SFMBT1: variants seen among roughly 807,000 people sequenced by gnomAD.
SFMBT1 encodes scm-like with four MBT domains protein 1.
Under a neutral mutation model 108.7 loss-of-function variants are expected in SFMBT1, and 32 were observed. That is an observed-to-expected ratio of 0.29 (90% CI 0.22 to 0.40). The LOEUF (loss-of-function observed/expected upper bound fraction) is 0.40, where lower values mean the gene tolerates loss of function less well. Ranked by LOEUF, SFMBT1 falls within the 10% of genes least tolerant of loss-of-function variation. The pLI is 1.00. For missense variants in SFMBT1, 816 were observed against 1,059.6 expected (o/e 0.77, Z 3.19); for synonymous variants, 348 against 369.5 (o/e 0.94, Z 0.67).
chr3:52,907,641 T>C lies in SFMBT1; in HGVS notation c.1999A>G (p.Arg667Gly), dbSNP rs368026256. The C allele has an allele frequency of 5.5e-5, 88 of 1,614,072 alleles. No homozygotes were observed. Among genetic ancestry groups the C allele is most frequent in the Non-Finnish European group, 6.9e-5 (82 of 1,180,038 alleles). ...LACALKKASKRRKRRKNVFVH... is the reference protein window; with the variant it reads ...LACALKKASKGRKRRKNVFVH... ...AAAACATTTTTCCGCCTCTTTCTCC[T>C]CTTACTGGCTTTTTTCAGGGCACAA... Residue 667 changes from arginine (R) to glycine (G), a missense_variant, in exon 18 of 21, where the codon AGG (arginine) becomes GGG (glycine). Around this residue, in one of 5 missense-constraint regions of SFMBT1, gnomAD observed 177 missense variants for 182.0 expected, o/e 0.97. Transcript: ENST00000394752.
chr3:52,957,001 A>C (rs1473136221), intron 2 of SFMBT1, among the ~76,000 whole-genome samples: 1 of 152,158 alleles, frequency 6.6e-6, no homozygotes, highest in East Asian at 1.9e-4. Context: ...AGAGTGATAA[A>C]GGGTATTCAA....
At chr3:52,916,296 G>A in intron 13 of SFMBT1, 82 bp from the exon 14 acceptor site, 1 of 1,264,988 alleles carries the variant, frequency 7.9e-7, no homozygotes, top group African/African-American at 1.5e-5. Context: ...TCAAATCTAA[G>A]AAGAAAGCAA....
At chr3:52,958,503 A>G (rs1703857254) in intron 2 of SFMBT1, among the ~76,000 whole-genome samples, 1 of 152,220 alleles carries the variant, frequency 6.6e-6, no homozygotes, top group Non-Finnish European at 1.5e-5. Flanking sequence ...AGGCAGGAGA[A>G]TCTCTTGAAC....
At chr3:53,034,841 A>G (rs376779603) in intron 1 of SFMBT1, among the ~76,000 whole-genome samples, 1 of 152,166 alleles carries the variant, frequency 6.6e-6, no homozygotes, top group South Asian at 2.1e-4. Flanking sequence ...TGGGAGGCTG[A>G]GGCAGGAAAA....
chr3:52,978,276 AAGGG>A lies in SFMBT1; in HGVS notation c.-130-9022_-130-9019del, dbSNP rs371170371. On this transcript the variant is annotated intron_variant, in intron 1 of 20. Coordinates refer to ENST00000394752, the MANE Select transcript of SFMBT1 (RefSeq NM_016329.4). ...GGGAAAAGCCAGCAGAAAGGGCCTA[AAGGG>A]AGAGCATGTGAGAGTGAGCTATGTT... Among the ~76,000 whole-genome samples, 117 of 152,168 alleles carry A rather than the reference AAGGG, an allele frequency of 7.7e-4. No individual in the cohort carries two copies. In the East Asian group the frequency reaches 0.017, roughly 22 times the overall value.
intron 8 of SFMBT1, among the ~76,000 whole-genome samples, chr3:52,928,681 CACAT>C (rs1559514240): frequency 8.7e-5 from 12 of 137,952 alleles, no homozygotes; most frequent in African/African-American, 3.4e-4. Flanking sequence ...TACACACACA[CACAT>C]ATATATATAG....
chr3:52,954,936 G>C (rs1241223330), intron 2 of SFMBT1, among the ~76,000 whole-genome samples: 1 of 151,574 alleles, frequency 6.6e-6, no homozygotes, highest in Admixed American at 6.6e-5. Context: ...GAAGAATTCT[G>C]TAGGTACTAT....
intron 2 of SFMBT1, among the ~76,000 whole-genome samples, chr3:52,961,232 T>C (rs964011976): frequency 1.3e-5 from 2 of 152,060 alleles, no homozygotes; most frequent in African/African-American, 2.4e-5. Context: ...ATACCTACAG[T>C]AGTCAAATTC....
intron 6 of SFMBT1, among the ~76,000 whole-genome samples, chr3:52,931,308 T>C (rs750758447): frequency 5.9e-5 from 9 of 152,170 alleles, no homozygotes; most frequent in Non-Finnish European, 1.0e-4. Context: ...AACATCCAAA[T>C]TGGGGCACAT....
In SFMBT1 at chr3:53,001,063, A is replaced by C. The variant is rs1226576133; in HGVS notation, c.-130-31805T>G. ...TAGTCTACTTTTATATATGTTTGAC[A>C]TTCTCCCTAACAAGTCAAAAACAAA... On this transcript the variant is annotated intron_variant, in intron 1 of 20. Coordinates refer to ENST00000394752, the MANE Select transcript of SFMBT1 (RefSeq NM_016329.4). 1.3e-5 allele frequency among the ~76,000 whole-genome samples: 2 copies of C among 149,946 alleles called. 1 individual carries two copies. The highest frequency in any genetic ancestry group is 3.0e-5 in the Non-Finnish European group (2 of 67,052).
chr3:52,987,961 C>A (rs1323069488), intron 1 of SFMBT1, among the ~76,000 whole-genome samples: 4 of 152,106 alleles, frequency 2.6e-5, no homozygotes, highest in African/African-American at 7.2e-5. Context: ...CTGAATTTAG[C>A]CAAAAGGCTA....
At chr3:53,001,440 A>G (rs1698544544) in intron 1 of SFMBT1, among the ~76,000 whole-genome samples, 1 of 149,764 alleles carries the variant, frequency 6.7e-6, no homozygotes, top group South Asian at 2.1e-4. Context: ...CAAAAAAGAA[A>G]AAGTTCCATC....
At chr3:53,023,539 G>C (rs897355617) in intron 1 of SFMBT1, among the ~76,000 whole-genome samples, 6 of 152,166 alleles carry the variant, frequency 3.9e-5, no homozygotes, top group South Asian at 4.1e-4. Context: ...ATCTGTGCTG[G>C]ATAGTGTATG....
At position 52,943,469 on chromosome 3, in the gene SFMBT1, C is replaced by T. The variant is rs1703256139; in HGVS notation, c.248G>A (p.Arg83His). 1.9e-6 allele frequency: 3 copies of T among 1,614,114 alleles called. No homozygotes were observed. Among genetic ancestry groups the T allele is most frequent in the Admixed American group, 1.7e-5 (1 of 60,010 alleles). ...CCGATCCTCCCCATAGCCATCATAG[C>T]GGAGAAGGAGCAACTGCTCACAGGT... ...ITTCEQLLLL[R>H]YDGYGEDRRA... Residue 83 changes from arginine (R) to histidine (H), a missense_variant, in exon 4 of 21, where the codon CGC (arginine) becomes CAC (histidine). Physicochemically the swap from Arg to His is conservative, Grantham distance 29 (BLOSUM62 0). Coordinates refer to ENST00000394752, the MANE Select transcript of SFMBT1 (RefSeq NM_016329.4).
At chr3:52,933,843 T>C (rs976325967) in intron 5 of SFMBT1, among the ~76,000 whole-genome samples, 1 of 152,040 alleles carries the variant, frequency 6.6e-6, no homozygotes, top group South Asian at 2.1e-4. Context: ...TTCTTAGATA[T>C]GATACCAAAA....
intron 1 of SFMBT1, among the ~76,000 whole-genome samples, chr3:53,033,190 T>C (rs1699746380): frequency 6.6e-6 from 1 of 151,934 alleles, no homozygotes; most frequent in Admixed American, 6.6e-5. Context: ...AGATGGAGTC[T>C]TGCTCTGTCG....
chr3:52,959,249 G>C (rs1703883056), intron 2 of SFMBT1, among the ~76,000 whole-genome samples: 1 of 152,066 alleles, frequency 6.6e-6, no homozygotes, highest in Non-Finnish European at 1.5e-5. Context: ...TAACAAACCT[G>C]CACATCCTGC....
rs771628668 is a variant in SFMBT1, at chr3:52,931,026, T to A, written c.710A>T (p.His237Leu). ...TTGCCACTCAGCTTCATTTTTTAGA[T>A]GTCTAATGGCTTTAATAAAACATGA... The part of the protein sequence containing the change: ...YELQPPSAIR[H>L]LKNEAEWQEI... Residue 237 changes from histidine to leucine, a missense_variant, in exon 7 of 21, where the codon CAT becomes CTT. By Grantham distance (99) the His-to-Leu change is moderately conservative (BLOSUM62 -3). Coordinates refer to ENST00000394752, the MANE Select transcript of SFMBT1 (RefSeq NM_016329.4). The A allele has an allele frequency of 3.7e-6, 6 of 1,613,772 alleles. No individual in the cohort carries two copies. The African/African-American group carries it at 4.0e-5, about 11-fold the overall frequency.
At position 53,046,028 on chromosome 3, in the gene SFMBT1, C is replaced by CGGCGGA. The variant is rs1205357965; in HGVS notation, c.-349_-344dup. 12 of 151,236 alleles carry CGGCGGA rather than the reference C, an allele frequency of 7.9e-5. No homozygotes were observed. The highest frequency in any genetic ancestry group is 2.0e-4 in the East Asian group (1 of 5,038). 9.4% of individuals were successfully genotyped at this position (151,236 alleles called of 1,614,324 possible). A position where few individuals can be genotyped will look rare whatever the true frequency, so the allele number is the denominator to read the frequency against. On this transcript the variant is annotated 5_prime_UTR_variant, in exon 1 of 21. Transcript: ENST00000394752. ...TCCCCGCCCCCCTCCACCCGCGCTC[C>CGGCGGA]GGCGGAGGCGGCGGCGGCGCTCCGC... is the stretch of plus-strand genomic sequence containing the variant.
Sources: allele counts gnomAD v4.1 joint callset (sites outside exome capture counted in the v4.1 genomes callset), GRCh38; gene constraint gnomAD v4.1.1; regional missense constraint gnomAD v4.1.1; transcripts MANE v1.5; gene names NCBI Gene and HGNC (gene_info 2026-07-23, HGNC 2026-07-21).